ZC3H6: variants seen among roughly 807,000 people sequenced by gnomAD.
The protein encoded by ZC3H6 is zinc finger CCCH-type containing 6, also known as zinc finger CCCH domain-containing protein 6.
ZC3H6 carries 40 observed loss-of-function variants against 107.7 expected under a neutral mutation model. That is an observed-to-expected ratio of 0.37 (90% CI 0.29 to 0.48). The LOEUF (loss-of-function observed/expected upper bound fraction) is 0.48. ZC3H6 is among the 20% of genes least tolerant of loss of function. The pLI, the probability that ZC3H6 is intolerant of heterozygous loss-of-function variation, is 0.98. For missense variants in ZC3H6, 1,267 were observed against 1,410.4 expected (o/e 0.90, Z 1.63); for synonymous variants, 493 against 487.9 (o/e 1.01, Z -0.14).
intron 11 of ZC3H6, among the ~76,000 whole-genome samples, chr2:112,326,233 G>GT (rs969043261): frequency 7.3e-5 from 11 of 151,296 alleles, no homozygotes; most frequent in South Asian, 2.1e-4. Flanking sequence ...TACTCTTTTA[G>GT]TTTTTTTTTA....
At chr2:112,302,443 C>T (rs1001611027) in intron 2 of ZC3H6, among the ~76,000 whole-genome samples, 1 of 151,988 alleles carries the variant, frequency 6.6e-6, no homozygotes, top group African/African-American at 2.4e-5. Context: ...GTAAAAGCAT[C>T]AGAGTTCAAT....
intron 11 of ZC3H6, among the ~76,000 whole-genome samples, chr2:112,327,680 T>A (rs753718057): frequency 6.6e-6 from 1 of 152,174 alleles, no homozygotes; most frequent in Non-Finnish European, 1.5e-5. Context: ...TTGATTTGAT[T>A]TTTGTGTATG....
At position 112,335,050 on chromosome 2, in the gene ZC3H6, T is replaced by G. The variant is rs1380367613; in HGVS notation, c.*2562T>G. On this transcript the variant is annotated 3_prime_UTR_variant, in exon 12 of 12. Transcript: ENST00000409871. Reference sequence around the variant, plus strand: ...CTGTTTACTGTGATGATGAATACAGTGGATATAGCAGGGGGTTGAAATGGA... The same window carrying G: ...CTGTTTACTGTGATGATGAATACAGGGGATATAGCAGGGGGTTGAAATGGA... 1.3e-5 allele frequency: 2 copies of G among 152,224 alleles called. No homozygotes were observed. Among genetic ancestry groups the G allele is most frequent in the Non-Finnish European group, 2.9e-5 (2 of 68,024 alleles). The allele number at this position is 152,224 out of a possible 1,614,324, so 9.4% of individuals were successfully genotyped here.
intron 1 of ZC3H6, among the ~76,000 whole-genome samples, 199 bp from the exon 2 acceptor site, chr2:112,299,650 A>G (rs1488826060): frequency 6.6e-6 from 1 of 152,250 alleles, no homozygotes. Flanking sequence ...TGTTAAATGA[A>G]GACGAATTCG....
At position 112,324,342 on chromosome 2, in the gene ZC3H6, C is replaced by T. The variant is rs1317741584; in HGVS notation, c.1531C>T (p.Pro511Ser). ...HHPCAGPPGL[P>S]VPQSPPLPPG... ...CCCATGTGCAGGACCTCCTGGTCTA[C>T]CAGTGCCACAGAGCCCACCTTTACC... The change falls in exon 10 of 12, where the codon CCA becomes TCA. Residue 511 changes from proline (P) to serine (S), a missense_variant. By Grantham distance (74) the Pro-to-Ser change is moderately conservative. Coordinates refer to ENST00000409871, the MANE Select transcript of ZC3H6 (RefSeq NM_198581.3). The T allele has an allele frequency of 1.9e-6, 3 of 1,613,878 alleles. No individual in the cohort carries two copies. Among genetic ancestry groups the T allele is most frequent in the Non-Finnish European group, 2.5e-6 (3 of 1,179,890 alleles).
At chr2:112,298,506 T>C (rs1306695948) in intron 1 of ZC3H6, among the ~76,000 whole-genome samples, 1 of 152,278 alleles carries the variant, frequency 6.6e-6, no homozygotes, top group East Asian at 1.9e-4. Context: ...ATCATGGCGA[T>C]ACACGTCAAA....
Position 112,336,305 on chromosome 2 carries a change from G to C in ZC3H6, c.*3817G>C, listed in dbSNP as rs372187782. ...ACTGTGTTGAAGGCTGTACCTTGGT[G>C]GGGGTGGTCTGCAGTCATGCAGTCC... On this transcript the variant is annotated 3_prime_UTR_variant, in exon 12 of 12. Transcript: ENST00000409871. 6.6e-6 allele frequency: 1 copy of C among 152,150 alleles called. No individual in the cohort carries two copies. The highest frequency in any genetic ancestry group is 6.5e-5 in the Admixed American group (1 of 15,280). 9.4% of individuals were successfully genotyped at this position (152,150 alleles called of 1,614,324 possible). A position where few individuals can be genotyped will look rare whatever the true frequency, so the allele number is the denominator to read the frequency against.
chr2:112,290,855 G>A (rs1162098679), intron 1 of ZC3H6, among the ~76,000 whole-genome samples: 3 of 152,194 alleles, frequency 2.0e-5, no homozygotes, highest in Non-Finnish European at 2.9e-5. Context: ...GCTCAAATTG[G>A]CATATGCTGT....
intron 1 of ZC3H6, among the ~76,000 whole-genome samples, chr2:112,286,674 A>C (rs1686617465): frequency 6.6e-6 from 1 of 152,176 alleles, no homozygotes; most frequent in Non-Finnish European, 1.5e-5. Context: ...CCTGGGCTCA[A>C]GTGATCTGCC....
At chr2:112,300,521 C>T (rs764209356) in intron 2 of ZC3H6, among the ~76,000 whole-genome samples, 30 of 151,986 alleles carry the variant, frequency 2.0e-4, no homozygotes, top group Admixed American at 6.5e-5. Context: ...TAAATTTTAA[C>T]GCAGATTGAA....
At chr2:112,290,030 C>T (rs1451174181) in intron 1 of ZC3H6, among the ~76,000 whole-genome samples, 2 of 152,182 alleles carry the variant, frequency 1.3e-5, no homozygotes, top group African/African-American at 2.4e-5. Flanking sequence ...CATGAACCAC[C>T]GTGCCCAGCT....
chr2:112,300,893 C>T (rs951976075), intron 2 of ZC3H6, among the ~76,000 whole-genome samples: 2 of 152,100 alleles, frequency 1.3e-5, no homozygotes, highest in African/African-American at 4.8e-5. Context: ...TTTTGAAACT[C>T]CCTGAATTTC....
At chr2:112,283,923 G>A (rs1302372316) in intron 1 of ZC3H6, among the ~76,000 whole-genome samples, 2 of 152,212 alleles carry the variant, frequency 1.3e-5, no homozygotes, top group Admixed American at 6.5e-5. Flanking sequence ...AAATTTTAAT[G>A]TATAAGGATG....
At chr2:112,281,437 TGGTAAATGA>T (rs926586706) in intron 1 of ZC3H6, among the ~76,000 whole-genome samples, 14 of 152,150 alleles carry the variant, frequency 9.2e-5, no homozygotes, top group African/African-American at 2.9e-4. Context: ...GTGAGTAGTA[TGGTAAATGA>T]GGTAAATGAA....
intron 1 of ZC3H6, among the ~76,000 whole-genome samples, chr2:112,294,723 G>A (rs1413407138): frequency 6.6e-6 from 1 of 152,086 alleles, no homozygotes; most frequent in Non-Finnish European, 1.5e-5. Flanking sequence ...TATCAGAGTG[G>A]AAAAAAGTAG....
At chr2:112,280,362 ATGTTGT>A (rs1433065244) in intron 1 of ZC3H6, among the ~76,000 whole-genome samples, 2 of 152,200 alleles carry the variant, frequency 1.3e-5, no homozygotes, top group Non-Finnish European at 2.9e-5. Context: ...CTCAGGTTTG[ATGTTGT>A]AAAGCACTCT....
chr2:112,276,240 C>T (rs1237212606), intron 1 of ZC3H6, among the ~76,000 whole-genome samples: 1 of 148,646 alleles, frequency 6.7e-6, no homozygotes, highest in Non-Finnish European at 1.5e-5. Context: ...GGTCGCTGCT[C>T]GCCAGCGCCG....
In ZC3H6 at chr2:112,332,175, C is replaced by T; in HGVS notation, c.3257C>T (p.Thr1086Ile). Residue 1086 changes from threonine (T) to isoleucine (I), a missense_variant, in exon 12 of 12, where the codon ACT (threonine) becomes ATT (isoleucine). Thr to Ile is a moderately conservative substitution (Grantham distance 89). Around this residue, in one of 3 missense-constraint regions of ZC3H6, gnomAD observed 925 missense variants for 1,025.7 expected, o/e 0.90. Coordinates refer to ENST00000409871, the MANE Select transcript of ZC3H6 (RefSeq NM_198581.3). ...KSGGLKSSDK[T>I]EPSPGEAILP... ...GGTGGCTTAAAAAGTAGTGACAAAA[C>T]TGAACCTTCTCCTGGAGAAGCCATC... The T allele has an allele frequency of 6.2e-7, 1 of 1,613,954 alleles. No homozygotes were observed. The highest frequency in any genetic ancestry group is 8.5e-7 in the Non-Finnish European group (1 of 1,179,864).
chr2:112,324,056 A>T (rs1676855787), intron 9 of ZC3H6, 96 bp from the exon 10 acceptor site: 1 of 1,341,178 alleles, frequency 7.5e-7, no homozygotes, highest in Admixed American at 2.4e-5. Flanking sequence ...ATTCTGATGT[A>T]AAAAAAGTAC....
Sources: allele counts gnomAD v4.1 joint callset (sites outside exome capture counted in the v4.1 genomes callset), GRCh38; gene constraint gnomAD v4.1.1; regional missense constraint gnomAD v4.1.1; transcripts MANE v1.5; gene names NCBI Gene and HGNC (gene_info 2026-07-23, HGNC 2026-07-21).